COL4A4: variants seen among roughly 807,000 people sequenced by gnomAD.
The protein encoded by COL4A4 is collagen type IV alpha 4 chain.
COL4A4 carries 105 observed loss-of-function variants against 192.9 expected under a neutral mutation model. That is an observed-to-expected ratio of 0.54 (90% CI 0.46 to 0.64). The LOEUF (loss-of-function observed/expected upper bound fraction) is 0.64, where lower values mean the gene tolerates loss of function less well. COL4A4 is among the 30% of genes least tolerant of loss of function. COL4A4 has a pLI of 0.00. For missense variants in COL4A4, 1,967 were observed against 2,169.3 expected, an observed-to-expected ratio of 0.91 and a Z score of 1.85; for synonymous variants, 762 against 769.9, an observed-to-expected ratio of 0.99 and a Z score of 0.17.
intron 12 of COL4A4, 92 bp downstream of exon 12, chr2:227,108,489 T>C (rs754558280): frequency 5.3e-5 from 66 of 1,256,914 alleles, no homozygotes; most frequent in Non-Finnish European, 6.9e-5. Context: ...GACTAGATAA[T>C]GAGTACAAGT....
chr2:227,115,188 A>T (rs1406908175), intron 7 of COL4A4, among the ~76,000 whole-genome samples: 2 of 152,062 alleles, frequency 1.3e-5, no homozygotes, highest in Non-Finnish European at 2.9e-5. Context: ...GATATTTTTT[A>T]AAAGTGAATG....
intron 22 of COL4A4, among the ~76,000 whole-genome samples, chr2:227,085,021 C>T (rs752649745): frequency 1.4e-4 from 21 of 150,492 alleles, no homozygotes; most frequent in Non-Finnish European, 2.7e-4. Context: ...GTCTCAGCTA[C>T]TCGAGAGGCT....
chr2:227,010,898 C>G (rs1038300186), intron 45 of COL4A4, among the ~76,000 whole-genome samples: 1 of 152,190 alleles, frequency 6.6e-6, no homozygotes, highest in African/African-American at 2.4e-5. Context: ...AGTGTGGACT[C>G]CCCAGACTGA....
At chr2:227,076,592 T>A (rs149502303) in intron 25 of COL4A4, among the ~76,000 whole-genome samples, 2,311 of 152,304 alleles carry the variant, frequency 0.015, 67 homozygotes, top group African/African-American at 0.053. Context: ...AAAGACTTCA[T>A]GATTAAAATA....
At chr2:227,060,107 A>AAAAAAG in intron 27 of COL4A4, 29 bp downstream of exon 27, 1 of 1,079,012 alleles carries the variant, frequency 9.3e-7, no homozygotes, top group Non-Finnish European at 1.3e-6. Context: ...AGCAGAAAAA[A>AAAAAAG]AAAAAAAAAA....
intron 4 of COL4A4, among the ~76,000 whole-genome samples, chr2:227,132,755 A>G (rs2062563105): frequency 1.3e-5 from 2 of 152,100 alleles, no homozygotes; most frequent in Non-Finnish European, 2.9e-5. Context: ...CAGCCTGGCA[A>G]CAGAGCAAGA....
intron 45 of COL4A4, among the ~76,000 whole-genome samples, chr2:227,011,831 C>T (rs148284042): frequency 6.8e-4 from 103 of 152,288 alleles, no homozygotes; most frequent in South Asian, 2.9e-3. Flanking sequence ...TTCATCACAG[C>T]CTCTTAAGGG....
At chr2:227,020,768 G>A (rs530511295) in intron 44 of COL4A4, among the ~76,000 whole-genome samples, 8 of 152,002 alleles carry the variant, frequency 5.3e-5, no homozygotes, top group Non-Finnish European at 8.8e-5. Flanking sequence ...TGGATCTAAA[G>A]AGAACAGTGA....
At chr2:227,075,680 G>A (rs1231039445) in intron 25 of COL4A4, among the ~76,000 whole-genome samples, 1 of 152,138 alleles carries the variant, frequency 6.6e-6, no homozygotes, top group Non-Finnish European at 1.5e-5. Flanking sequence ...ATTCAAACAG[G>A]AAGAGAGGAA....
chr2:227,091,618 G>T (rs554852613), intron 20 of COL4A4, among the ~76,000 whole-genome samples: 37 of 152,204 alleles, frequency 2.4e-4, no homozygotes, highest in African/African-American at 8.2e-4. Context: ...ATAGGGCCAG[G>T]CACGGTGGCT....
chr2:226,996,976 T>G, the COL4A4 span: 4 of 152,182 alleles, frequency 2.6e-5, no homozygotes, highest in African/African-American at 9.7e-5. Flanking sequence ...AACATTTTGG[T>G]GGTATTGTCT....
At chr2:227,162,294 C>T (rs1271900175) in intron 1 of COL4A4, among the ~76,000 whole-genome samples, 1 of 152,206 alleles carries the variant, frequency 6.6e-6, no homozygotes, top group African/African-American at 2.4e-5. Flanking sequence ...AACAAAATGA[C>T]TTGGTTTCAG....
At position 227,123,398 on chromosome 2, in the gene COL4A4, A is replaced by G. The variant is rs2061913472; in HGVS notation, c.193-2250T>C. 6.6e-6 allele frequency among the ~76,000 whole-genome samples: 1 copy of G among 152,216 alleles called. No individual in the cohort carries two copies. The highest frequency in any genetic ancestry group is 1.5e-5 in the Non-Finnish European group (1 of 68,038). On this transcript the variant is annotated intron_variant, in intron 4 of 47. Coordinates refer to ENST00000396625, the MANE Select transcript of COL4A4 (RefSeq NM_000092.5). This position sits in a 1 kb window ranked among gnomAD's most constrained non-coding sequence, Gnocchi z 4.6. ...CCTGACTTCATCAGGGTGCTCCAGGAGCAACACAGAGGATGAGAAGTCAAT... is the reference window on the plus strand; with the variant it reads ...CCTGACTTCATCAGGGTGCTCCAGGGGCAACACAGAGGATGAGAAGTCAAT...
Position 227,043,243 on chromosome 2 carries a change from C to T in COL4A4, c.3290-59G>A. 4 of 1,381,090 alleles carry T rather than the reference C, an allele frequency of 2.9e-6. No individual in the cohort carries two copies. The East Asian group carries it at 6.9e-5, about 24-fold the overall frequency. 85.6% of individuals were successfully genotyped at this position (1,381,090 alleles called of 1,614,324 possible). ...GTTTGAGACAGTGAATCTTTAAAATCACCAAGTTCAGCCCACCCTATTCTT... is the reference window on the plus strand; with the variant it reads ...GTTTGAGACAGTGAATCTTTAAAATTACCAAGTTCAGCCCACCCTATTCTT... On this transcript the variant is annotated intron_variant, in intron 35 of 47. Coordinates refer to ENST00000396625, the MANE Select transcript of COL4A4 (RefSeq NM_000092.5).
chr2:227,142,489 C>T (rs903305743), intron 3 of COL4A4, among the ~76,000 whole-genome samples: 2 of 152,170 alleles, frequency 1.3e-5, no homozygotes, highest in African/African-American at 2.4e-5. Context: ...TGCGGTGGCT[C>T]ATTCCTGTAA....
chr2:227,157,104 A>C (rs2064412185), intron 1 of COL4A4, among the ~76,000 whole-genome samples: 1 of 152,168 alleles, frequency 6.6e-6, no homozygotes, highest in Non-Finnish European at 1.5e-5. Context: ...GTTTCAACAC[A>C]TTTCAAAAGA....
the COL4A4 span, among the ~76,000 whole-genome samples, chr2:226,985,497 T>G: frequency 6.6e-6 from 1 of 152,386 alleles, no homozygotes; most frequent in East Asian, 1.9e-4. Context: ...TCAGCAGATT[T>G]AATGTCATAG....
chr2:227,116,533 A>T (rs1321529476), intron 7 of COL4A4, among the ~76,000 whole-genome samples: 2 of 152,254 alleles, frequency 1.3e-5, no homozygotes, highest in East Asian at 1.9e-4. Flanking sequence ...TTTTACAAAA[A>T]TGGATAGTTG....
the COL4A4 span, chr2:226,995,723 C>T: frequency 1.7e-6 from 1 of 588,338 alleles, no homozygotes. Flanking sequence ...CTTCTCCTGG[C>T]CTTGTTCTTG....
Sources: gnomAD v4.1 joint callset for allele counts (sites outside exome capture counted in the v4.1 genomes callset) on GRCh38, gnomAD v4.1.1 for gene constraint, Gnocchi (gnomAD v3.1) non-coding constraint, MANE v1.5 for transcripts, NCBI Gene and HGNC (gene_info 2026-07-23, HGNC 2026-07-21) for gene names.